SEMA5B: variants seen among roughly 807,000 people sequenced by gnomAD.
The protein encoded by SEMA5B is semaphorin-5B.
A neutral mutation model predicts 135.0 loss-of-function variants in SEMA5B; 66 were observed. The ratio of observed to expected loss-of-function variants is 0.49; its 90% CI spans 0.40 to 0.60. SEMA5B has a LOEUF of 0.60. Among genes scored for constraint, SEMA5B ranks in the 20% least tolerant of loss-of-function variants. The pLI is 0.00. For synonymous variants in SEMA5B, 690 were observed against 639.5 expected, an observed-to-expected ratio of 1.08 and a Z score of -1.19; for missense variants, 1,501 against 1,566.3, an observed-to-expected ratio of 0.96 and a Z score of 0.70.
In SEMA5B at chr3:123,010,169, G is replaced by A. The variant is rs571558063; in HGVS notation, c.-39+17295C>T. Among the ~76,000 whole-genome samples the A allele has an allele frequency of 2.0e-5, 3 of 152,302 alleles. No individual in the cohort carries two copies. The East Asian group carries it at 5.8e-4, about 29-fold the overall frequency. On this transcript the variant is annotated intron_variant, in intron 1 of 22. Coordinates refer to ENST00000357599, the MANE Select transcript of SEMA5B (RefSeq NM_001031702.4). ...GAAGTTTGGAACCCCAGGGCTCAGG[G>A]CCAGGTCCTGACACCCCATAATACC...
chr3:122,945,874 C>T (rs555454757), intron 3 of SEMA5B, among the ~76,000 whole-genome samples: 18 of 150,730 alleles, frequency 1.2e-4, no homozygotes, highest in South Asian at 8.3e-4. Context: ...TTCCAGTTTC[C>T]GTCCCTCTCC....
intron 1 of SEMA5B, among the ~76,000 whole-genome samples, chr3:122,985,356 A>G (rs1242558361): frequency 6.6e-6 from 1 of 152,144 alleles, no homozygotes; most frequent in Admixed American, 6.5e-5. Context: ...TTAAGAAATT[A>G]GCCCAGCAGG....
rs1023819210 is a variant in SEMA5B at position 123,026,026 on chromosome 3, T to C, written c.-39+1438A>G. ...GCTGATTGTCAAGAAGAGAACAGGCTTAAAAAGATGAGCTGAAGTGGGGAG... is the reference window on the plus strand; with the variant it reads ...GCTGATTGTCAAGAAGAGAACAGGCCTAAAAAGATGAGCTGAAGTGGGGAG... On this transcript the variant is annotated intron_variant, in intron 1 of 22. Transcript: ENST00000357599. 2.0e-5 allele frequency among the ~76,000 whole-genome samples: 3 copies of C among 151,998 alleles called. No individual in the cohort carries two copies. In the East Asian group the frequency reaches 5.8e-4, roughly 30 times the overall value.
intron 12 of SEMA5B, among the ~76,000 whole-genome samples, chr3:122,918,409 T>C (rs544010108): frequency 1.5e-4 from 23 of 152,324 alleles, no homozygotes; most frequent in Admixed American, 3.3e-4. Flanking sequence ...CTTTGGCTTT[T>C]TGGACTGGAA....
intron 4 of SEMA5B, among the ~76,000 whole-genome samples, chr3:122,941,458 T>C (rs968344981): frequency 3.3e-5 from 5 of 152,234 alleles, no homozygotes; most frequent in African/African-American, 9.6e-5. Context: ...TTCAGTTTCC[T>C]GGTCCATAAA....
Position 122,913,384 on chromosome 3 carries a change from C to G in SEMA5B, c.2321G>C (p.Arg774Pro). 1.3e-6 allele frequency: 2 copies of G among 1,579,694 alleles called. No homozygotes were observed. The highest frequency in any genetic ancestry group is 8.6e-7 in the Non-Finnish European group (1 of 1,167,922). Residue 774 changes from arginine (R) to proline (P), a missense_variant, in exon 17 of 23, where the codon CGG becomes CCG. Around this residue, in one of 2 missense-constraint regions of SEMA5B, gnomAD observed 927 missense variants for 881.6 expected, o/e 1.05. Coordinates refer to ENST00000357599, the MANE Select transcript of SEMA5B (RefSeq NM_001031702.4). ...TCNPEGCPEV[R>P]RNTPWTPWLP... ...CCACGGCGTCCAGGGGGTGTTGCGC[C>G]GCACTTCGGGGCAGCCCTCGGGGTT...
At chr3:122,910,591 C>T (rs969648229) in intron 22 of SEMA5B, among the ~76,000 whole-genome samples, 6 of 152,012 alleles carry the variant, frequency 3.9e-5, no homozygotes, top group Non-Finnish European at 8.8e-5. Context: ...GGGCGGATCA[C>T]GAGGTCAGGA....
At chr3:122,914,136 A>C (rs937813297) in intron 14 of SEMA5B, 135 bp from the exon 15 acceptor site, 1 of 978,612 alleles carries the variant, frequency 1.0e-6, no homozygotes, top group African/African-American at 1.7e-5. Flanking sequence ...ATCTTCTCCT[A>C]AACAGGTCAT....
At chr3:122,976,184 G>C in intron 1 of SEMA5B, 1 of 1,514,836 alleles carries the variant, frequency 6.6e-7, no homozygotes. Context: ...TGCAAGAAGT[G>C]CTTCTCAAAA....
At chr3:123,005,964 A>G (rs552634033) in intron 1 of SEMA5B, among the ~76,000 whole-genome samples, 3 of 152,278 alleles carry the variant, frequency 2.0e-5, no homozygotes, top group South Asian at 2.1e-4. Flanking sequence ...CACCTGTGTG[A>G]CTTTGGAGCT....
intron 1 of SEMA5B, among the ~76,000 whole-genome samples, chr3:122,998,064 G>A (rs1486513932): frequency 2.6e-5 from 4 of 152,200 alleles, no homozygotes; most frequent in Non-Finnish European, 5.9e-5. Flanking sequence ...GCTCTCAGCA[G>A]CAAGGCCACA....
At chr3:122,995,340 C>T (rs1941999387) in intron 1 of SEMA5B, among the ~76,000 whole-genome samples, 1 of 152,148 alleles carries the variant, frequency 6.6e-6, no homozygotes, top group South Asian at 2.1e-4. Context: ...ACAAGTTTCT[C>T]CAGAGACCAA....
intron 3 of SEMA5B, among the ~76,000 whole-genome samples, chr3:122,947,126 T>C (rs998497830): frequency 6.6e-6 from 1 of 151,990 alleles, no homozygotes. Context: ...GAGGCCCCAG[T>C]GTGAGGAGGC....
rs374819342 is a variant in SEMA5B, at chr3:122,912,245, T to G, written c.2823A>C (p.Ala941=). The G allele has an allele frequency of 2.9e-5, 46 of 1,611,416 alleles. 1 individual carries two copies. The African/African-American group carries it at 3.7e-4, about 13-fold the overall frequency. ...YQRTRSCTSP[A]PSPGEDICLG... is the part of the protein sequence containing the mutation. ...GACAGATGTCCTCACCTGGGGAGGG[T>G]GCGGGGCTGGTGCAGGAACGGGTGC... is the stretch of plus-strand genomic sequence containing the variant. The change falls in exon 19 of 23, where the codon GCA becomes GCC. Residue 941 remains alanine, a synonymous_variant. Coordinates refer to ENST00000357599, the MANE Select transcript of SEMA5B (RefSeq NM_001031702.4).
At chr3:122,958,254 G>A (rs1299674259) in intron 2 of SEMA5B, 1 of 152,290 alleles carries the variant, frequency 6.6e-6, no homozygotes, top group Non-Finnish European at 1.5e-5. Flanking sequence ...AGGTGATTCA[G>A]GCCAGTCCTC....
chr3:122,914,633 T>A (rs1426835532), intron 14 of SEMA5B, among the ~76,000 whole-genome samples: 1 of 152,204 alleles, frequency 6.6e-6, no homozygotes, highest in East Asian at 1.9e-4. Flanking sequence ...TATGAAATAG[T>A]TTTTTTAAGA....
At chr3:122,979,038 G>A (rs1244499768) in intron 1 of SEMA5B, among the ~76,000 whole-genome samples, 1 of 152,158 alleles carries the variant, frequency 6.6e-6, no homozygotes, top group Non-Finnish European at 1.5e-5. Context: ...AGAGGGAGAC[G>A]CAAGACACAA....
intron 1 of SEMA5B, among the ~76,000 whole-genome samples, chr3:123,001,596 G>A (rs894131982): frequency 3.9e-5 from 6 of 152,170 alleles, no homozygotes; most frequent in African/African-American, 1.4e-4. Context: ...ATGTACTGAA[G>A]AATGCATTTA....
intron 5 of SEMA5B, among the ~76,000 whole-genome samples, chr3:122,934,967 C>T (rs1041092786): frequency 3.7e-4 from 56 of 151,524 alleles, no homozygotes; most frequent in African/African-American, 1.0e-3. Context: ...AGGACAGGGA[C>T]GTGGGGGGAT....
Sources: allele counts gnomAD v4.1 joint callset (sites outside exome capture counted in the v4.1 genomes callset), GRCh38; gene constraint gnomAD v4.1.1; regional missense constraint gnomAD v4.1.1; transcripts MANE v1.5; gene names NCBI Gene and HGNC (gene_info 2026-07-23, HGNC 2026-07-21).